The following LHX2 variants were observed in gnomAD, a reference collection of about 807,000 sequenced individuals.
LHX2 encodes the protein LIM homeobox 2.
Under a neutral mutation model 33.0 loss-of-function variants are expected in LHX2, and 6 were observed. That is an observed-to-expected ratio of 0.18 (90% confidence interval 0.10 to 0.36). The LOEUF is 0.36. Among genes scored for constraint, LHX2 ranks in the 10% least tolerant of loss-of-function variants. The pLI, the probability that LHX2 is intolerant of heterozygous loss-of-function variation, is 1.00. For missense variants in LHX2, 442 were observed against 586.2 expected, an observed-to-expected ratio of 0.75 and a Z score of 2.54; for synonymous variants, 292 against 253.1, an observed-to-expected ratio of 1.15 and a Z score of -1.46.
intron 3 of LHX2, among the ~76,000 whole-genome samples, chr9:124,019,877 G>A (rs1859262662): frequency 6.6e-6 from 1 of 152,186 alleles, no homozygotes; most frequent in Non-Finnish European, 1.5e-5. Flanking sequence ...GACCTTGGGA[G>A]GGGTCCTGCA....
chr9:124,022,607 C>T (rs1201213304), intron 4 of LHX2, among the ~76,000 whole-genome samples: 3 of 152,224 alleles, frequency 2.0e-5, no homozygotes, highest in Non-Finnish European at 4.4e-5. Flanking sequence ...CACCCTCCAG[C>T]CCCAGGTCTC....
chr9:124,013,851 G>A, intron 1 of LHX2, 110 bp from the exon 2 acceptor site: 3 of 970,712 alleles, frequency 3.1e-6, no homozygotes, highest in Non-Finnish European at 4.6e-6. Context: ...CCCCCTCCGC[G>A]TTCAGGGTAG....
intron 3 of LHX2, among the ~76,000 whole-genome samples, chr9:124,020,005 G>A (rs1379823403): frequency 2.0e-5 from 3 of 152,206 alleles, no homozygotes; most frequent in African/African-American, 4.8e-5. Flanking sequence ...GGCTCCTTGT[G>A]GTTAGGGACA....
At chr9:124,024,152 C>T (rs578206292) in intron 4 of LHX2, among the ~76,000 whole-genome samples, 5 of 152,252 alleles carry the variant, frequency 3.3e-5, no homozygotes, top group Non-Finnish European at 7.3e-5. Context: ...GTGGGGCATA[C>T]GTGTAGCACT....
At chr9:124,027,115 T>A (rs1349650896) in intron 4 of LHX2, among the ~76,000 whole-genome samples, 1 of 151,598 alleles carries the variant, frequency 6.6e-6, no homozygotes, top group Non-Finnish European at 1.5e-5. Flanking sequence ...AGCAAAGTGG[T>A]TCTAGGCCTG....
chr9:124,012,419 G>C lies in LHX2; in HGVS notation c.71G>C (p.Ser24Thr). 5 of 1,537,890 alleles carry C rather than the reference G, an allele frequency of 3.3e-6. No homozygotes were observed. Among genetic ancestry groups the C allele is most frequent in the Non-Finnish European group, 3.5e-6 (4 of 1,147,844 alleles). The stretch of plus-strand genomic sequence containing the variant: ...GACGAGATGGACCGCAGGGCCAAGA[G>C]CGAGGCTCCCGCCATCAGCTCCGCC... ...VIDEMDRRAKSEAPAISSAID... is the reference protein window; with the variant it reads ...VIDEMDRRAKTEAPAISSAID... Residue 24 changes from serine (S) to threonine (T), a missense_variant, in exon 1 of 5, where the codon AGC becomes ACC. This residue lies in a region of LHX2 where 97 missense variants were observed against 81.5 expected (regional missense o/e 1.19). Coordinates refer to ENST00000373615, the MANE Select transcript of LHX2 (RefSeq NM_004789.4). This position sits in a 1 kb window ranked among gnomAD's most constrained non-coding sequence, Gnocchi z 4.3.
chr9:124,028,761 T>C (rs1828666854), intron 4 of LHX2, among the ~76,000 whole-genome samples: 1 of 152,226 alleles, frequency 6.6e-6, no homozygotes, highest in Non-Finnish European at 1.5e-5. Context: ...GGTTGCCCTC[T>C]GTGTGACCTT....
chr9:124,013,821 C>A (rs114845025), intron 1 of LHX2, 140 bp from the exon 2 acceptor site: 4 of 738,842 alleles, frequency 5.4e-6, no homozygotes, highest in East Asian at 2.7e-5. Context: ...TGGGGGGAAG[C>A]GCGCCGCATG....
At chr9:124,020,416 G>A (rs897363791) in intron 3 of LHX2, among the ~76,000 whole-genome samples, 1 of 152,164 alleles carries the variant, frequency 6.6e-6, no homozygotes, top group Non-Finnish European at 1.5e-5. Context: ...ACTGCAAAAT[G>A]CAGTTTCCAA....
At chr9:124,021,334 G>GCGAC (rs781408637) in intron 4 of LHX2, 30 bp downstream of exon 4, 2 of 1,603,456 alleles carry the variant, frequency 1.2e-6, no homozygotes, top group Non-Finnish European at 1.7e-6. Context: ...GAGGGCATCT[G>GCGAC]CGACCACCAG....
chr9:124,015,472 C>T lies in LHX2; in HGVS notation c.674C>T (p.Pro225Leu), dbSNP rs1268970668. The T allele has an allele frequency of 6.6e-7, 1 of 1,503,906 alleles. No homozygotes were observed. The highest frequency in any genetic ancestry group is 1.4e-5 in the African/African-American group (1 of 71,174). The allele number at this position is 1,503,906 out of a possible 1,614,324, so 93.2% of individuals were successfully genotyped here. Reference protein sequence around the residue: ...NGVGTVQKGRPRKRKSPGPGA... With the variant: ...NGVGTVQKGRLRKRKSPGPGA... ...GTGGGCACTGTGCAGAAGGGGCGGC[C>T]GAGGAAACGTAAGAGCCCGGGCCCC... is the stretch of plus-strand genomic sequence containing the variant. The change falls in exon 3 of 5, where the codon CCG becomes CTG. Residue 225 changes from proline (P) to leucine (L), a missense_variant. Pro to Leu is a moderately conservative substitution (Grantham distance 98, BLOSUM62 -3). This residue lies in a region of LHX2 where 132 missense variants were observed against 139.1 expected (regional missense o/e 0.95). Transcript: ENST00000373615. The surrounding 1 kb of genome is among the most constrained non-coding windows in gnomAD (Gnocchi z 7.9).
At position 124,030,617 on chromosome 9, in the gene LHX2, T is replaced by TTTTTC. The variant is rs1334102190; in HGVS notation, c.934-1793_934-1789dup. 4.8e-3 allele frequency among the ~76,000 whole-genome samples: 673 copies of TTTTTC among 139,946 alleles called. 40 individuals are homozygous for TTTTTC. Among genetic ancestry groups the TTTTTC allele is most frequent in the East Asian group, 6.6e-3 (31 of 4,712 alleles). The allele number at this position is 139,946 out of a possible 152,430, so 91.8% of individuals were successfully genotyped here. A position where few individuals can be genotyped will look rare whatever the true frequency, so the allele number is the denominator to read the frequency against. On this transcript the variant is annotated intron_variant, in intron 4 of 4. Coordinates refer to ENST00000373615, the MANE Select transcript of LHX2 (RefSeq NM_004789.4). ...GTGCTGGCTGTGTAGATGAATTTCATTTTTCTTTTCTTTTTTTTTTTTTTT... is the reference window on the plus strand; with the variant it reads ...GTGCTGGCTGTGTAGATGAATTTCATTTTTCTTTTCTTTTCTTTTTTTTTTTTTTT...
At chr9:124,017,200 T>C (rs1251160450) in intron 3 of LHX2, among the ~76,000 whole-genome samples, 2 of 152,138 alleles carry the variant, frequency 1.3e-5, no homozygotes, top group Non-Finnish European at 2.9e-5. Flanking sequence ...TCCCTCTCTC[T>C]TTTTTTCCTT....
intron 4 of LHX2, among the ~76,000 whole-genome samples, chr9:124,025,486 T>C (rs1828606195): frequency 6.7e-6 from 1 of 149,778 alleles, no homozygotes; most frequent in Non-Finnish European, 1.5e-5. Flanking sequence ...TACAAATGCA[T>C]GGAGACCATT....
chr9:124,025,705 T>C (rs932619715), intron 4 of LHX2, among the ~76,000 whole-genome samples: 3 of 152,202 alleles, frequency 2.0e-5, no homozygotes, highest in African/African-American at 7.2e-5. Flanking sequence ...TCTTTCAGTC[T>C]GGGTGTGGTG....
In LHX2 at chr9:124,032,647, C is replaced by T. The variant is rs753330068; in HGVS notation, c.1161C>T (p.Gly387=). Residue 387 remains glycine, a synonymous_variant, in exon 5 of 5, where the codon GGC becomes GGT. Coordinates refer to ENST00000373615, the MANE Select transcript of LHX2 (RefSeq NM_004789.4). This position sits in a 1 kb window ranked among gnomAD's most constrained non-coding sequence, Gnocchi z 4.1. ...CGTCCGTCTTAACTTCTGTGCCTGGCAACCTGGAGGGCCATGAGCCTCACA... is the reference window on the plus strand; with the variant it reads ...CGTCCGTCTTAACTTCTGTGCCTGGTAACCTGGAGGGCCATGAGCCTCACA... ...TVTSVLTSVP[G]NLEGHEPHSP... The T allele has an allele frequency of 2.5e-6, 4 of 1,610,466 alleles. No individual in the cohort carries two copies. In the East Asian group the frequency reaches 8.9e-5, roughly 36 times the overall value.
At chr9:124,018,234 C>T (rs1226621615) in intron 3 of LHX2, among the ~76,000 whole-genome samples, 2 of 150,576 alleles carry the variant, frequency 1.3e-5, no homozygotes, top group African/African-American at 4.9e-5. Context: ...CATGATTTTA[C>T]GAGCTCTTTA....
chr9:124,027,173 T>G (rs1189294993), intron 4 of LHX2, among the ~76,000 whole-genome samples: 2 of 152,188 alleles, frequency 1.3e-5, no homozygotes, highest in African/African-American at 4.8e-5. Flanking sequence ...CTTATTACTT[T>G]TGGTTCTTTA....
rs1416405301 is a variant in LHX2, at chr9:124,015,269, C to A, written c.471C>A (p.Gly157=). 9 of 1,614,174 alleles carry A rather than the reference C, an allele frequency of 5.6e-6. No individual in the cohort carries two copies. Among genetic ancestry groups the A allele is most frequent in the Non-Finnish European group, 7.6e-6 (9 of 1,180,040 alleles). ...NKMLTTGDHF[G]MKDSLVYCRL... ...TGCTGACCACGGGCGACCACTTCGG[C>A]ATGAAGGACAGCCTGGTCTACTGCC... Residue 157 remains glycine (G), a synonymous_variant, in exon 3 of 5, where the codon GGC becomes GGA. Coordinates refer to ENST00000373615, the MANE Select transcript of LHX2 (RefSeq NM_004789.4). The surrounding 1 kb of genome is among the most constrained non-coding windows in gnomAD (Gnocchi z 7.9).
Sources: gnomAD v4.1 joint callset for allele counts (sites outside exome capture counted in the v4.1 genomes callset) on GRCh38, gnomAD v4.1.1 for gene constraint, gnomAD v4.1.1 regional missense constraint, Gnocchi (gnomAD v3.1) non-coding constraint, MANE v1.5 for transcripts, NCBI Gene and HGNC (gene_info 2026-07-23, HGNC 2026-07-21) for gene names.